The following TTC28 variants were observed in gnomAD, a reference collection of about 807,000 sequenced individuals.
The protein encoded by TTC28 is tetratricopeptide repeat protein 28.
In TTC28, 61 loss-of-function variants were observed where a neutral mutation model predicts 198.0. That is an observed-to-expected ratio of 0.31 (90% CI 0.25 to 0.38). The LOEUF is 0.38. Ranked by LOEUF, TTC28 falls within the 10% of genes least tolerant of loss-of-function variation. TTC28 has a pLI of 1.00. For synonymous variants in TTC28, 1,171 were observed against 1,297.8 expected, an observed-to-expected ratio of 0.90 and a Z score of 2.10; for missense variants, 2,678 against 3,164.0, an observed-to-expected ratio of 0.85 and a Z score of 3.69.
intron 22 of TTC28, 28 bp from the exon 23 acceptor site, chr22:27,983,879 GA>G: frequency 6.5e-7 from 1 of 1,530,516 alleles, no homozygotes; most frequent in Non-Finnish European, 8.8e-7. Context: ...GGGCCCCAAG[GA>G]CAGTTAGAAT....
chr22:28,626,408 C>T (rs996437788), intron 2 of TTC28, among the ~76,000 whole-genome samples: 3 of 151,932 alleles, frequency 2.0e-5, no homozygotes, highest in Admixed American at 6.6e-5. Context: ...GCTTTTCACA[C>T]ATCAGACTAG....
At chr22:28,268,180 G>T (rs1321663630) in intron 5 of TTC28, among the ~76,000 whole-genome samples, 1 of 152,064 alleles carries the variant, frequency 6.6e-6, no homozygotes, top group Admixed American at 6.6e-5. Context: ...CAACTTTTTC[G>T]ATTTAACTAA....
At chr22:28,034,881 T>A (rs992317426) in intron 12 of TTC28, among the ~76,000 whole-genome samples, 2 of 152,122 alleles carry the variant, frequency 1.3e-5, no homozygotes, top group Admixed American at 6.5e-5. Flanking sequence ...CTCTGGGGAA[T>A]ATAAATCATG....
At chr22:28,166,861 T>A (rs1922030560) in intron 5 of TTC28, among the ~76,000 whole-genome samples, 1 of 151,844 alleles carries the variant, frequency 6.6e-6, no homozygotes, top group South Asian at 2.1e-4. Context: ...AAAAAACCCT[T>A]CAAAACATCA....
chr22:28,488,559 G>A (rs1232535748), intron 2 of TTC28, among the ~76,000 whole-genome samples: 3 of 151,992 alleles, frequency 2.0e-5, no homozygotes, highest in African/African-American at 2.4e-5. Context: ...TATATATGAC[G>A]TTTCTCAATA....
chr22:28,620,340 T>A (rs60248971), intron 2 of TTC28, among the ~76,000 whole-genome samples: 20,300 of 133,496 alleles, frequency 0.15, 1,618 homozygotes, highest in African/African-American at 0.21. Flanking sequence ...ACAGAGCAAA[T>A]CTCTGTCTCA....
chr22:28,258,902 A>AGTGTGC (rs1555952509), intron 5 of TTC28, among the ~76,000 whole-genome samples: 5 of 147,724 alleles, frequency 3.4e-5, no homozygotes, highest in African/African-American at 1.2e-4. Flanking sequence ...TTGGTTAAAG[A>AGTGTGC]GTGTGTGTGT....
intron 2 of TTC28, among the ~76,000 whole-genome samples, chr22:28,405,243 T>C (rs1330566176): frequency 8.5e-5 from 13 of 152,226 alleles, no homozygotes; most frequent in Non-Finnish European, 1.8e-4. Context: ...AAATAATCTC[T>C]AAGTTCCTTT....
At chr22:28,180,239 A>G (rs1419930404) in intron 5 of TTC28, among the ~76,000 whole-genome samples, 1 of 152,192 alleles carries the variant, frequency 6.6e-6, no homozygotes, top group African/African-American at 2.4e-5. Context: ...TGATGAAATA[A>G]TTGTATATAA....
intron 10 of TTC28, among the ~76,000 whole-genome samples, chr22:28,097,935 C>T: frequency 6.6e-6 from 1 of 152,208 alleles, no homozygotes; most frequent in East Asian, 1.9e-4. Context: ...AGGCAATGAA[C>T]ACATTTAATA....
At chr22:28,317,907 C>T (rs868621638) in intron 2 of TTC28, among the ~76,000 whole-genome samples, 1 of 151,948 alleles carries the variant, frequency 6.6e-6, no homozygotes. Context: ...CCATTATACA[C>T]TGCTTTTGCT....
chr22:28,235,160 ACTTT>A (rs1486302764), intron 5 of TTC28, among the ~76,000 whole-genome samples: 1 of 152,204 alleles, frequency 6.6e-6, no homozygotes, highest in Admixed American at 6.5e-5. Context: ...CCCTCAGGTC[ACTTT>A]CTTTTAGTCC....
chr22:28,032,294 G>A (rs369369346), intron 12 of TTC28, among the ~76,000 whole-genome samples: 9 of 112,748 alleles, frequency 8.0e-5, no homozygotes, highest in South Asian at 2.8e-4. Flanking sequence ...GTGTGTGTGT[G>A]TATATGTGTG....
intron 1 of TTC28, among the ~76,000 whole-genome samples, chr22:28,656,582 CT>C (rs2051658634): frequency 6.6e-6 from 1 of 152,168 alleles, no homozygotes; most frequent in Admixed American, 6.5e-5. Context: ...AATAATTTAA[CT>C]GGCAAAATAC....
chr22:28,043,241 T>TAAAAAAAAAAA (rs1939728695), intron 12 of TTC28, among the ~76,000 whole-genome samples: 2 of 19,484 alleles, frequency 1.0e-4, no homozygotes, highest in African/African-American at 5.0e-4. Context: ...AGACTCCATC[T>TAAAAAAAAAAA]CAAAAAAAAA....
intron 2 of TTC28, among the ~76,000 whole-genome samples, chr22:28,541,318 T>G (rs1447725544): frequency 6.6e-6 from 1 of 152,200 alleles, no homozygotes; most frequent in Non-Finnish European, 1.5e-5. Flanking sequence ...TGGGCCATAA[T>G]GCATGAAGAG....
chr22:28,132,087 A>G (rs1440548556), intron 6 of TTC28, among the ~76,000 whole-genome samples: 3 of 152,222 alleles, frequency 2.0e-5, no homozygotes, highest in African/African-American at 7.2e-5. Flanking sequence ...GAAAAAAGAA[A>G]AATGCTCAGC....
chr22:28,066,620 C>T (rs1054978418), intron 12 of TTC28, among the ~76,000 whole-genome samples: 1 of 152,120 alleles, frequency 6.6e-6, no homozygotes, highest in African/African-American at 2.4e-5. Context: ...TTATTTTCCC[C>T]TTAAAATAAC....
chr22:28,414,270 T>C (rs1261640358), intron 2 of TTC28, among the ~76,000 whole-genome samples: 5 of 152,144 alleles, frequency 3.3e-5, no homozygotes, highest in African/African-American at 4.8e-5. Context: ...GCAGCATAGC[T>C]CTCTTGAGAG....
Sources: allele counts gnomAD v4.1 joint callset (sites outside exome capture counted in the v4.1 genomes callset), GRCh38; gene constraint gnomAD v4.1.1; transcripts MANE v1.5; gene names NCBI Gene and HGNC (gene_info 2026-07-23, HGNC 2026-07-21).